The following CDHR2 variants were observed in gnomAD, a reference collection of about 807,000 sequenced individuals.
CDHR2 encodes the protein cadherin-related family member 2.
In CDHR2, 104 loss-of-function variants were observed where a neutral mutation model predicts 138.6. The ratio of observed to expected loss-of-function variants is 0.75; its 90% confidence interval spans 0.64 to 0.88. CDHR2 has a LOEUF of 0.88. CDHR2 is among the 40% of genes least tolerant of loss of function. The pLI, the probability that CDHR2 is intolerant of heterozygous loss-of-function variation, is 0.00. For synonymous variants in CDHR2, 755 were observed against 742.8 expected (o/e 1.02, Z -0.27); for missense variants, 1,624 against 1,727.6 (o/e 0.94, Z 1.06).
In CDHR2 at chr5:176,584,269, C is replaced by A; in HGVS notation, c.2128+10C>A. 1 of 1,613,344 alleles carries A rather than the reference C, an allele frequency of 6.2e-7. No homozygotes were observed. Among genetic ancestry groups the A allele is most frequent in the Non-Finnish European group, 8.5e-7 (1 of 1,179,312 alleles). ...AAGGAGGAGGATCCAGGTATGTGCT[C>A]CCTGGGCCAGGAGAGACACTGCGGC... On this transcript the variant is annotated intron_variant, in intron 18 of 31. Coordinates refer to ENST00000261944, the MANE Select transcript of CDHR2 (RefSeq NM_017675.6).
At chr5:176,591,358 G>C (rs200632744) in intron 29 of CDHR2, 35 bp downstream of exon 29, 23 of 1,610,962 alleles carry the variant, frequency 1.4e-5, no homozygotes, top group South Asian at 1.3e-4. Flanking sequence ...AAGAGGCCTG[G>C]TGGGGTGGCT....
intron 3 of CDHR2, among the ~76,000 whole-genome samples, chr5:176,567,673 A>G (rs1228002733): frequency 6.6e-6 from 1 of 151,966 alleles, no homozygotes. Flanking sequence ...TTGTATTTTT[A>G]GTAGAGACGG....
At chr5:176,547,492 C>G (rs752984927), upstream of CDHR2, 1 of 152,234 alleles carries the variant, frequency 6.6e-6, no homozygotes, top group Non-Finnish European at 1.5e-5. Context: ...CACAGTCTCA[C>G]TACTGATCAG....
At chr5:176,577,989 G>C in intron 14 of CDHR2, 45 bp from the exon 15 acceptor site, 1 of 1,564,976 alleles carries the variant, frequency 6.4e-7, no homozygotes, top group South Asian at 1.1e-5. Flanking sequence ...GTGGCGGTGC[G>C]TGCATCGCCT....
Position 176,575,126 on chromosome 5 carries a change from C to G in CDHR2, c.538C>G (p.Leu180Val). The G allele has an allele frequency of 6.2e-7, 1 of 1,614,202 alleles. No homozygotes were observed. The highest frequency in any genetic ancestry group is 1.1e-5 in the South Asian group (1 of 91,084). The change falls in exon 8 of 32, where the codon CTG becomes GTG. Residue 180 changes from leucine to valine, a missense_variant. By Grantham distance (32) the Leu-to-Val change is conservative. Coordinates refer to ENST00000261944, the MANE Select transcript of CDHR2 (RefSeq NM_017675.6). ...TGDSEHLFRI[L>V]ANGSIVLNGS... ...GGACAGCGAGCATCTCTTCCGGATC[C>G]TGGCCAATGGCTCCATAGTCCTCAA... is the stretch of plus-strand genomic sequence containing the variant.
rs756616755 is a variant in CDHR2 at position 176,575,215 on chromosome 5, T to C, written c.621+6T>C. 10 of 1,614,064 alleles carry C rather than the reference T, an allele frequency of 6.2e-6. No individual in the cohort carries two copies. The Admixed American group carries it at 1.7e-4, about 27-fold the overall frequency. On this transcript the variant is annotated splice_donor_region_variant and intron_variant, in intron 8 of 31. Transcript: ENST00000261944. ...AGCTGGAGCTGAAGGCCTGTGTGAG[T>C]GGGGGTGCCGGCAGGCGGGCCTAGG...
rs1311906162 is a variant in CDHR2 at position 176,591,786 on chromosome 5, G to GAT, written c.3734+302_3734+303insAT. ...TGATGATGACGATGGTGGTGGTGGT[G>GAT]GTGGTGTTGGTGTTGAGGTGATGGT... On this transcript the variant is annotated intron_variant, in intron 30 of 31. Coordinates refer to ENST00000261944, the MANE Select transcript of CDHR2 (RefSeq NM_017675.6). The GAT allele has an allele frequency of 3.1e-4, 75 of 239,552 alleles. 20 individuals are homozygous for GAT. Among genetic ancestry groups the GAT allele is most frequent in the Middle Eastern group, 2.6e-3 (2 of 778 alleles). 14.8% of individuals were successfully genotyped at this position (239,552 alleles called of 1,614,324 possible).
At chr5:176,565,006 G>C (rs1758048121) in intron 1 of CDHR2, among the ~76,000 whole-genome samples, 1 of 152,198 alleles carries the variant, frequency 6.6e-6, no homozygotes, top group African/African-American at 2.4e-5. Flanking sequence ...CGTGGCCTCA[G>C]GCAAGCCCCT....
intron 1 of CDHR2, among the ~76,000 whole-genome samples, chr5:176,544,066 G>A (rs1757524478): frequency 6.6e-6 from 1 of 152,284 alleles, no homozygotes; most frequent in African/African-American, 2.4e-5. Flanking sequence ...TGGCTGGCAT[G>A]CAGGTGGTGG....
rs1171640412 is a variant in CDHR2 at position 176,584,910 on chromosome 5, A to T, written c.2629A>T (p.Asn877Tyr). Reference protein sequence around the residue: ...SVAANGSVYINQSKAIDYEAC... With the variant: ...SVAANGSVYIYQSKAIDYEAC... ...GGCGGCCAACGGCTCTGTGTACATC[A>T]ACCAGAGCAAAGCCATCGACTACGA... Residue 877 changes from asparagine (N) to tyrosine (Y), a missense_variant, in exon 19 of 32, where the codon AAC becomes TAC. Asn to Tyr is a moderately radical substitution (Grantham distance 143, BLOSUM62 -2). Coordinates refer to ENST00000261944, the MANE Select transcript of CDHR2 (RefSeq NM_017675.6). The T allele has an allele frequency of 6.2e-7, 1 of 1,611,898 alleles. No homozygotes were observed. Among genetic ancestry groups the T allele is most frequent in the South Asian group, 1.1e-5 (1 of 90,744 alleles).
chr5:176,595,765 C>G lies in CDHR2; in HGVS notation c.*93C>G, dbSNP rs937835946. ...GGAGATGAAAATATATGACGCTGCC[C>G]TGCCTCCTGCTTTTGGCCAATCACG... On this transcript the variant is annotated 3_prime_UTR_variant, in exon 32 of 32. Coordinates refer to ENST00000261944, the MANE Select transcript of CDHR2 (RefSeq NM_017675.6). 8.1e-7 allele frequency: 1 copy of G among 1,238,216 alleles called. No individual in the cohort carries two copies. The highest frequency in any genetic ancestry group is 1.5e-5 in the African/African-American group (1 of 64,618). The allele number at this position is 1,238,216 out of a possible 1,614,324, so 76.7% of individuals were successfully genotyped here. A position where few individuals can be genotyped will look rare whatever the true frequency, so the allele number is the denominator to read the frequency against.
rs574292277 is a variant in CDHR2 at position 176,564,435 on chromosome 5, G to A, written c.-15-903G>A. Among the ~76,000 whole-genome samples the A allele has an allele frequency of 9.2e-5, 14 of 152,314 alleles. No homozygotes were observed. In the East Asian group the frequency reaches 1.5e-3, roughly 17 times the overall value. ...ACTCCTGACCTCAGGTGATCCGCCCGCCTCGGCCTCCCGAAGTGCTGGGAT... is the reference window on the plus strand; with the variant it reads ...ACTCCTGACCTCAGGTGATCCGCCCACCTCGGCCTCCCGAAGTGCTGGGAT... On this transcript the variant is annotated intron_variant, in intron 1 of 31. Coordinates refer to ENST00000261944, the MANE Select transcript of CDHR2 (RefSeq NM_017675.6).
intron 17 of CDHR2, among the ~76,000 whole-genome samples, chr5:176,582,187 A>G (rs1758548482): frequency 6.6e-6 from 1 of 151,904 alleles, no homozygotes; most frequent in Non-Finnish European, 1.5e-5. Flanking sequence ...TGCCTGGTTA[A>G]TTTTTTTATT....
chr5:176,582,679 G>A (rs754520401), intron 17 of CDHR2, among the ~76,000 whole-genome samples: 1 of 152,184 alleles, frequency 6.6e-6, no homozygotes, highest in Non-Finnish European at 1.5e-5. Flanking sequence ...CTACTTGGAA[G>A]GCTGAGGCAG....
intron 1 of CDHR2, among the ~76,000 whole-genome samples, chr5:176,563,554 T>C (rs982770162): frequency 1.3e-5 from 2 of 152,202 alleles, no homozygotes; most frequent in African/African-American, 2.4e-5. Context: ...GGCTTCACCC[T>C]GGCCTGGCAT....
At chr5:176,589,485 C>G in intron 23 of CDHR2, 43 bp from the exon 24 acceptor site, 8 of 1,612,986 alleles carry the variant, frequency 5.0e-6, no homozygotes, top group Non-Finnish European at 6.8e-6. Flanking sequence ...CTGCCAGCCC[C>G]CAGGGTCCCT....
upstream of CDHR2, among the ~76,000 whole-genome samples, chr5:176,545,258 G>T (rs1397020193): frequency 6.6e-6 from 1 of 152,024 alleles, no homozygotes. Context: ...TGAGCAGCTG[G>T]CACTACAGGT....
intron 30 of CDHR2, 23 bp downstream of exon 30, chr5:176,591,507 A>G: frequency 6.4e-7 from 1 of 1,574,206 alleles, no homozygotes; most frequent in Non-Finnish European, 8.7e-7. Context: ...CCTCACAGCC[A>G]GGCTAGGTGG....
chr5:176,565,789 C>T, intron 3 of CDHR2, 46 bp downstream of exon 3: 4 of 1,520,434 alleles, frequency 2.6e-6, no homozygotes, highest in Non-Finnish European at 2.7e-6. Context: ...TCCTGACCCA[C>T]AGGAAAGTCC....
Sources: allele counts gnomAD v4.1 joint callset (sites outside exome capture counted in the v4.1 genomes callset), GRCh38; gene constraint gnomAD v4.1.1; transcripts MANE v1.5; gene names NCBI Gene and HGNC (gene_info 2026-07-23, HGNC 2026-07-21).